The following CCDC30 variants were observed in gnomAD, a reference collection of about 807,000 sequenced individuals.
The protein encoded by CCDC30 is coiled-coil domain-containing protein 30.
CCDC30 carries 70 observed loss-of-function variants against 100.2 expected under a neutral mutation model. The observed-to-expected ratio is 0.70, with a 90% confidence interval of 0.58 to 0.85. CCDC30 has a LOEUF of 0.85. CCDC30 is among the 40% of genes least tolerant of loss of function. The probability of loss-of-function intolerance (pLI) is 0.00; values close to 1 mark genes in which losing one functional copy is unlikely to be tolerated. For synonymous variants in CCDC30, 233 were observed against 269.5 expected (o/e 0.86, Z 1.33); for missense variants, 652 against 771.2 (o/e 0.85, Z 1.83).
intron 6 of CCDC30, among the ~76,000 whole-genome samples, chr1:42,524,898 T>A (rs1369259955): frequency 6.6e-6 from 1 of 152,250 alleles, no homozygotes; most frequent in Non-Finnish European, 1.5e-5. Flanking sequence ...TTTCCCAATC[T>A]GTCATCTCTC....
At chr1:42,481,570 C>T (rs1643957886) in intron 2 of CCDC30, among the ~76,000 whole-genome samples, 1 of 110,502 alleles carries the variant, frequency 9.0e-6, no homozygotes, top group Admixed American at 9.4e-5. Context: ...GAGCAAAACC[C>T]TGTCTCAAAA....
At chr1:42,456,874 C>A in the CCDC30 span, 4,261 of 1,613,328 alleles carry the variant, frequency 2.6e-3, 98 homozygotes, top group African/African-American at 0.052. Flanking sequence ...CTTGGCTGTC[C>A]GCTCTGCGGC....
upstream of CCDC30, chr1:42,459,971 A>C (rs1569626462): frequency 6.5e-7 from 1 of 1,530,344 alleles, no homozygotes; most frequent in Non-Finnish European, 8.7e-7. Context: ...GGGCTCTTAG[A>C]GATGGTGAAA....
intron 3 of CCDC30, among the ~76,000 whole-genome samples, chr1:42,487,110 CAAAA>C (rs58763328): frequency 0.28 from 25,140 of 90,656 alleles, 2,103 homozygotes; most frequent in South Asian, 0.45. Flanking sequence ...TGCCCTGTCT[CAAAA>C]AAAAAAAAAA....
At chr1:42,540,103 A>G (rs936764442) in intron 6 of CCDC30, among the ~76,000 whole-genome samples, 2 of 152,178 alleles carry the variant, frequency 1.3e-5, no homozygotes, top group Non-Finnish European at 2.9e-5. Context: ...TTAAGGAGCA[A>G]AGTCTTGAAT....
intron 1 of CCDC30, among the ~76,000 whole-genome samples, chr1:42,475,213 AC>A (rs1233412561): frequency 1.3e-5 from 2 of 152,180 alleles, no homozygotes; most frequent in African/African-American, 4.8e-5. Context: ...AGATGCCAAC[AC>A]TTGAGGAAAG....
intron 15 of CCDC30, among the ~76,000 whole-genome samples, chr1:42,652,457 G>C (rs917763571): frequency 2.6e-5 from 4 of 152,026 alleles, no homozygotes; most frequent in Non-Finnish European, 5.9e-5. Flanking sequence ...TTTGTACACC[G>C]TAAGTATAGG....
At chr1:42,586,307 GT>G (rs759057426) in intron 9 of CCDC30, among the ~76,000 whole-genome samples, 3 of 152,016 alleles carry the variant, frequency 2.0e-5, no homozygotes, top group Non-Finnish European at 4.4e-5. Context: ...TTGTTTGTTT[GT>G]TTGTTCGTTT....
At chr1:42,502,648 G>A (rs72659930) in intron 6 of CCDC30, among the ~76,000 whole-genome samples, 20,650 of 152,064 alleles carry the variant, frequency 0.14, 1,520 homozygotes, top group East Asian at 0.18. Flanking sequence ...TCCCCCAAGA[G>A]AGAAACTCTA....
chr1:42,556,878 A>G (rs978475477), intron 6 of CCDC30, among the ~76,000 whole-genome samples: 1 of 152,192 alleles, frequency 6.6e-6, no homozygotes, highest in Non-Finnish European at 1.5e-5. Flanking sequence ...CACATTTTCC[A>G]TTTCTGGTAT....
Position 42,497,079 on chromosome 1 carries a change from G to A in CCDC30, c.242-19G>A, listed in dbSNP as rs1055708039. 5 of 1,196,892 alleles carry A rather than the reference G, an allele frequency of 4.2e-6. No individual in the cohort carries two copies. In the African/African-American group the frequency reaches 7.8e-5, roughly 19 times the overall value. 74.1% of individuals were successfully genotyped at this position (1,196,892 alleles called of 1,614,324 possible). The stretch of plus-strand genomic sequence containing the variant: ...AAACTTTGATCCAGTTGAGTAAACT[G>A]TGTTCTTCTCTGTTTTAGATGCAGC... On this transcript the variant is annotated intron_variant, in intron 4 of 16. Transcript: ENST00000668663.
rs72957992 is a variant in CCDC30, at chr1:42,572,444, C to T, written c.637-4576C>T. Reference sequence around the variant, plus strand: ...ATCAGGTATGTATTATAAACATCGACTCTGTGGCTTGCATTTTCATTCTCC... The same window carrying T: ...ATCAGGTATGTATTATAAACATCGATTCTGTGGCTTGCATTTTCATTCTCC... On this transcript the variant is annotated intron_variant, in intron 7 of 16. Coordinates refer to ENST00000668663, the Ensembl canonical transcript of CCDC30. Among the ~76,000 whole-genome samples, 1,246 of 152,170 alleles carry T rather than the reference C, an allele frequency of 8.2e-3. 13 individuals carry two copies. The highest frequency in any genetic ancestry group is 0.027 in the African/African-American group (1,128 of 41,504).
At chr1:42,468,252 G>A (rs1283433416) in intron 1 of CCDC30, among the ~76,000 whole-genome samples, 1 of 152,232 alleles carries the variant, frequency 6.6e-6, no homozygotes, top group African/African-American at 2.4e-5. Context: ...TGGTGGGGCA[G>A]CACCTTGAAA....
At chr1:42,547,791 C>T (rs987865587) in intron 6 of CCDC30, among the ~76,000 whole-genome samples, 6 of 152,164 alleles carry the variant, frequency 3.9e-5, no homozygotes, top group African/African-American at 1.2e-4. Context: ...TTTGGCAAGA[C>T]ATTGTGTATC....
chr1:42,539,171 A>G lies in CCDC30; in HGVS notation c.457-27125A>G. 6.4e-7 allele frequency: 1 copy of G among 1,568,760 alleles called. No homozygotes were observed. Among genetic ancestry groups the G allele is most frequent in the Non-Finnish European group, 8.6e-7 (1 of 1,157,978 alleles). ...TACTAAATGTCTTCATTTCTTAATC[A>G]GGAATTGCAAAAATCAAAGTCAGAG... On this transcript the variant is annotated intron_variant, in intron 6 of 16. Coordinates refer to ENST00000668663, the Ensembl canonical transcript of CCDC30.
At chr1:42,612,744 T>C (rs1164717959) in intron 11 of CCDC30, among the ~76,000 whole-genome samples, 1 of 152,190 alleles carries the variant, frequency 6.6e-6, no homozygotes, top group Non-Finnish European at 1.5e-5. Flanking sequence ...TTAATCGTTA[T>C]ATTTCCCTCT....
chr1:42,481,226 T>C (rs1277904388), intron 2 of CCDC30, among the ~76,000 whole-genome samples: 2 of 152,114 alleles, frequency 1.3e-5, no homozygotes, highest in African/African-American at 4.8e-5. Context: ...TGATAGCTGA[T>C]TTTTTATTGA....
chr1:42,458,600 G>A (rs541650582), upstream of CCDC30, among the ~76,000 whole-genome samples: 2 of 152,286 alleles, frequency 1.3e-5, no homozygotes, highest in South Asian at 2.1e-4. Context: ...ATGCTAAGGA[G>A]AAAAATAAAG....
intron 6 of CCDC30, among the ~76,000 whole-genome samples, chr1:42,505,248 T>C (rs1332993731): frequency 2.0e-5 from 3 of 152,212 alleles, no homozygotes; most frequent in Non-Finnish European, 4.4e-5. Flanking sequence ...TACTCACTTT[T>C]ATTACATGGC....
Sources: allele counts gnomAD v4.1 joint callset (sites outside exome capture counted in the v4.1 genomes callset), GRCh38; gene constraint gnomAD v4.1.1; transcripts MANE v1.5; gene names NCBI Gene and HGNC (gene_info 2026-07-23, HGNC 2026-07-21).